Variants in DMD observed in about 807,000 individuals in gnomAD.
DMD encodes dystrophin, also known as mutant dystrophin.
DMD carries 63 observed loss-of-function variants against 330.1 expected under a neutral mutation model. The ratio of observed to expected loss-of-function variants is 0.19; its 90% CI spans 0.16 to 0.24. The LOEUF (loss-of-function observed/expected upper bound fraction) is 0.24. DMD is among the 10% of genes least tolerant of loss of function. The pLI is 1.00. For missense variants in DMD, 3,344 were observed against 2,684.1 expected (o/e 1.25, Z -5.43); for synonymous variants, 1,223 against 959.8 (o/e 1.27, Z -5.07).
intron 2 of DMD, among the ~76,000 whole-genome samples, chrX:33,019,688 T>A (rs1041526279): frequency 8.9e-6 from 1 of 111,755 alleles, no homozygotes; most frequent in African/African-American, 3.2e-5. Context: ...TTGTCTTTAA[T>A]CATTTGAAAT....
chrX:31,307,943 G>C (rs1051297814), intron 62 of DMD, among the ~76,000 whole-genome samples: 2 of 111,356 alleles, frequency 1.8e-5, no homozygotes, highest in African/African-American at 6.5e-5. Flanking sequence ...AGGGGCGGGG[G>C]TATGGTTTCG....
intron 55 of DMD, among the ~76,000 whole-genome samples, chrX:31,548,957 T>C (rs916229869): frequency 4.5e-5 from 5 of 110,794 alleles, no homozygotes; most frequent in Admixed American, 9.7e-5. Flanking sequence ...AAAAAACATG[T>C]ATTACTTTAA....
chrX:32,389,736 A>G, intron 31 of DMD, 62 bp from the exon 32 acceptor site: 1 of 1,017,587 alleles, frequency 9.8e-7, no homozygotes, highest in Non-Finnish European at 1.4e-6. Context: ...AACTGGTCCT[A>G]TTTTTATTGA....
chrX:32,455,977 C>A (rs1406683843), intron 25 of DMD, among the ~76,000 whole-genome samples: 4 of 111,201 alleles, frequency 3.6e-5, no homozygotes, highest in South Asian at 7.5e-4. Context: ...ACAAGGCACT[C>A]TATAGTATTA....
chrX:31,915,104 A>C (rs928939909), intron 47 of DMD, among the ~76,000 whole-genome samples: 1 of 112,505 alleles, frequency 8.9e-6, no homozygotes, highest in Non-Finnish European at 1.9e-5. Context: ...TTTATAGGTC[A>C]CTGGACCATG....
chrX:31,933,819 C>A (rs911406742), intron 45 of DMD, among the ~76,000 whole-genome samples: 5 of 111,845 alleles, frequency 4.5e-5, no homozygotes, highest in Non-Finnish European at 7.5e-5. Flanking sequence ...TCGCCTTTTT[C>A]ATTCAAAATT....
chrX:33,134,637 T>C (rs1008268576), intron 1 of DMD, among the ~76,000 whole-genome samples: 5 of 112,398 alleles, frequency 4.4e-5, no homozygotes, highest in Admixed American at 1.9e-4. Context: ...AGGTGATAGA[T>C]ATGTTAGTCA....
intron 44 of DMD, among the ~76,000 whole-genome samples, chrX:32,009,336 T>C (rs2095687965): frequency 9.0e-6 from 1 of 111,715 alleles, no homozygotes; most frequent in African/African-American, 3.3e-5. Context: ...AATCAGTGCG[T>C]TTTTCTGTAA....
intron 50 of DMD, among the ~76,000 whole-genome samples, chrX:31,796,958 A>G (rs939322325): frequency 6.3e-5 from 7 of 111,530 alleles, no homozygotes; most frequent in African/African-American, 2.3e-4. Flanking sequence ...AAGAAGCCTG[A>G]GGCCCTCATG....
chrX:32,746,578 G>A lies in DMD; in HGVS notation c.650-47285C>T, dbSNP rs1002132670. Among the ~76,000 whole-genome samples the A allele has an allele frequency of 3.6e-5, 4 of 111,347 alleles. No individual in the cohort carries two copies. The Admixed American group carries it at 3.8e-4, about 11-fold the overall frequency. ...TGTGTTTTCTTTTTAATGTTTAATC[G>A]ACACATAATTATGCATATTTAGGAG... On this transcript the variant is annotated intron_variant, in intron 7 of 78. Coordinates refer to ENST00000357033, the MANE Select transcript of DMD (RefSeq NM_004006.3).
intron 44 of DMD, among the ~76,000 whole-genome samples, chrX:32,161,471 A>C (rs1054507132): frequency 2.0e-4 from 22 of 111,581 alleles, no homozygotes; most frequent in Non-Finnish European, 3.8e-4. Flanking sequence ...GTTTCTTTCT[A>C]CTTTGTTCTT....
chrX:33,190,879 AATATATAATATTATATAT>A (rs2050521642), intron 1 of DMD, among the ~76,000 whole-genome samples: 2 of 820 alleles, frequency 2.4e-3, no homozygotes, highest in Non-Finnish European at 4.9e-3. Flanking sequence ...ATATATATAT[AATATATAATATTATATAT>A]TATATAATAT....
At chrX:31,882,390 A>T (rs2094085835) in intron 47 of DMD, among the ~76,000 whole-genome samples, 1 of 111,855 alleles carries the variant, frequency 8.9e-6, no homozygotes, top group Non-Finnish European at 1.9e-5. Flanking sequence ...CAAAACATAA[A>T]TTCTAGATTG....
intron 44 of DMD, among the ~76,000 whole-genome samples, chrX:32,182,118 G>C (rs2096929140): frequency 8.9e-6 from 1 of 111,799 alleles, no homozygotes; most frequent in Non-Finnish European, 1.9e-5. Flanking sequence ...TTGGCTTCCA[G>C]CAAAGCTTTG....
intron 44 of DMD, among the ~76,000 whole-genome samples, chrX:31,981,682 C>G (rs2095476982): frequency 9.0e-6 from 1 of 111,283 alleles, no homozygotes; most frequent in African/African-American, 3.3e-5. Flanking sequence ...GTGTGCAGCT[C>G]CTTTTGCTTG....
intron 18 of DMD, among the ~76,000 whole-genome samples, chrX:32,505,593 G>A (rs774432608): frequency 8.9e-6 from 1 of 112,038 alleles, no homozygotes; most frequent in African/African-American, 3.2e-5. Flanking sequence ...CACTTTGGAA[G>A]ACAGTTTGGA....
At chrX:33,056,445 C>T (rs941364109) in intron 1 of DMD, among the ~76,000 whole-genome samples, 2 of 110,247 alleles carry the variant, frequency 1.8e-5, no homozygotes, top group Non-Finnish European at 3.8e-5. Flanking sequence ...ACTGCAACCA[C>T]TGTCTCCAGG....
intron 51 of DMD, among the ~76,000 whole-genome samples, chrX:31,757,011 A>G (rs2089168616): frequency 9.1e-6 from 1 of 109,644 alleles, no homozygotes; most frequent in Non-Finnish European, 1.9e-5. Flanking sequence ...ACCTTATATC[A>G]AGAAATAATA....
intron 1 of DMD, among the ~76,000 whole-genome samples, chrX:33,279,449 G>GGTT (rs1569559452): frequency 9.4e-6 from 1 of 105,858 alleles, no homozygotes; most frequent in Non-Finnish European, 2.0e-5. Flanking sequence ...GTACCACAGG[G>GGTT]TTTTTTTTTT....
Sources: allele counts gnomAD v4.1 joint callset (sites outside exome capture counted in the v4.1 genomes callset), GRCh38; gene constraint gnomAD v4.1.1; transcripts MANE v1.5; gene names NCBI Gene and HGNC (gene_info 2026-07-23, HGNC 2026-07-21).